Variants in MGAT4C observed in about 807,000 individuals in gnomAD.
MGAT4C encodes the protein alpha-1,3-mannosyl-glycoprotein 4-beta-N-acetylglucosaminyltransferase C.
In MGAT4C, 19 loss-of-function variants were observed where a neutral mutation model predicts 40.1. The ratio of observed to expected loss-of-function variants is 0.47; its 90% confidence interval spans 0.33 to 0.70. The LOEUF (loss-of-function observed/expected upper bound fraction) is 0.70, where lower values mean the gene tolerates loss of function less well. Ranked by LOEUF, MGAT4C falls within the 30% of genes least tolerant of loss-of-function variation. The pLI is 0.02. For missense variants in MGAT4C, 491 were observed against 563.2 expected (o/e 0.87, Z 1.30); for synonymous variants, 181 against 187.1 (o/e 0.97, Z 0.27).
intron 2 of MGAT4C, among the ~76,000 whole-genome samples, chr12:86,460,407 G>A (rs556798345): frequency 6.6e-6 from 1 of 152,172 alleles, no homozygotes; most frequent in East Asian, 1.9e-4. Context: ...ATGAAACCTA[G>A]GAAAATGAAG....
intron 4 of MGAT4C, among the ~76,000 whole-genome samples, chr12:86,295,120 A>G (rs1015860253): frequency 1.3e-5 from 2 of 152,172 alleles, no homozygotes; most frequent in Admixed American, 1.3e-4. Context: ...TTATTATTTT[A>G]TTCAGGCTTT....
intron 2 of MGAT4C, among the ~76,000 whole-genome samples, chr12:86,702,764 T>C (rs1438876187): frequency 6.6e-6 from 1 of 152,200 alleles, no homozygotes; most frequent in Non-Finnish European, 1.5e-5. Flanking sequence ...GAGATTAATG[T>C]TATTTTCATG....
intron 3 of MGAT4C, among the ~76,000 whole-genome samples, chr12:86,378,947 T>A (rs1284328705): frequency 6.6e-6 from 1 of 152,094 alleles, no homozygotes; most frequent in Non-Finnish European, 1.5e-5. Flanking sequence ...TTAGAACCAA[T>A]ATTGGAGCTC....
intron 3 of MGAT4C, among the ~76,000 whole-genome samples, chr12:86,424,392 C>CT (rs974730993): frequency 1.3e-5 from 2 of 152,200 alleles, no homozygotes; most frequent in Admixed American, 6.5e-5. Context: ...ATTCAGTGTT[C>CT]TTTTTTTAGC....
Position 85,967,003 on chromosome 12 carries a change from AC to A in MGAT4C, c.*12285del, listed in dbSNP as rs1366318862. On this transcript the variant is annotated 3_prime_UTR_variant, in exon 5 of 5. Coordinates refer to ENST00000611864, the MANE Select transcript of MGAT4C (RefSeq NM_001351288.2). ...TGGCACAGGTATACATATGTAACAA[AC>A]CTGCAAGTTGTGCACATGTACCCTA... 1 of 152,122 alleles carries A rather than the reference AC, an allele frequency of 6.6e-6. No homozygotes were observed. The highest frequency in any genetic ancestry group is 2.4e-5 in the African/African-American group (1 of 41,406). 9.4% of individuals were successfully genotyped at this position (152,122 alleles called of 1,614,324 possible).
intron 2 of MGAT4C, among the ~76,000 whole-genome samples, chr12:86,605,878 G>C (rs1962025167): frequency 6.6e-6 from 1 of 152,100 alleles, no homozygotes; most frequent in South Asian, 2.1e-4. Context: ...ATAGGTAACT[G>C]TATTAGTCAG....
chr12:86,767,098 T>C (rs1297680921), intron 1 of MGAT4C, among the ~76,000 whole-genome samples: 1 of 151,626 alleles, frequency 6.6e-6, no homozygotes. Flanking sequence ...TTTGAAAAGA[T>C]CAACAAAATT....
intron 2 of MGAT4C, among the ~76,000 whole-genome samples, chr12:86,562,472 C>A (rs1959914894): frequency 6.6e-6 from 1 of 152,038 alleles, no homozygotes; most frequent in African/African-American, 2.4e-5. Context: ...CCTCCTCACT[C>A]CTAGTAGTGG....
At chr12:86,155,001 G>GT (rs1231885035) in intron 1 of MGAT4C, among the ~76,000 whole-genome samples, 1 of 152,172 alleles carries the variant, frequency 6.6e-6, no homozygotes, top group African/African-American at 2.4e-5. Flanking sequence ...ATGATAGAGA[G>GT]TAATGAGAGA....
chr12:86,631,736 C>T (rs1466580282), intron 2 of MGAT4C, among the ~76,000 whole-genome samples: 1 of 152,000 alleles, frequency 6.6e-6, no homozygotes, highest in Non-Finnish European at 1.5e-5. Flanking sequence ...CTTCCTTACA[C>T]CTTATACAAA....
intron 2 of MGAT4C, among the ~76,000 whole-genome samples, chr12:86,516,088 T>C (rs1028842513): frequency 3.9e-5 from 6 of 152,014 alleles, no homozygotes; most frequent in Non-Finnish European, 7.4e-5. Context: ...CATTTTTTTT[T>C]CCCAGAAACT....
chr12:86,223,541 C>T (rs1950960749), intron 1 of MGAT4C, among the ~76,000 whole-genome samples: 2 of 152,178 alleles, frequency 1.3e-5, no homozygotes, highest in African/African-American at 4.8e-5. Flanking sequence ...GCCTTACCCT[C>T]CCTAGAGGCA....
At chr12:86,635,669 G>T (rs1281173140) in intron 2 of MGAT4C, among the ~76,000 whole-genome samples, 1 of 151,626 alleles carries the variant, frequency 6.6e-6, no homozygotes, top group Admixed American at 6.6e-5. Context: ...GTGTGTGTGT[G>T]TGTGTGTGTG....
At chr12:86,095,003 A>G (rs1873636791) in intron 1 of MGAT4C, among the ~76,000 whole-genome samples, 2 of 152,116 alleles carry the variant, frequency 1.3e-5, no homozygotes, top group Admixed American at 6.6e-5. Flanking sequence ...TGTTCCCAAT[A>G]TCCATTCTCC....
At chr12:86,019,052 G>A (rs1329744351) in intron 2 of MGAT4C, among the ~76,000 whole-genome samples, 2 of 151,912 alleles carry the variant, frequency 1.3e-5, no homozygotes, top group African/African-American at 4.8e-5. Flanking sequence ...GCTGAAAAAG[G>A]GCCTGGTTAG....
At chr12:86,741,669 C>A (rs1035353126) in intron 1 of MGAT4C, among the ~76,000 whole-genome samples, 2 of 151,222 alleles carry the variant, frequency 1.3e-5, no homozygotes, top group African/African-American at 2.4e-5. Context: ...ATAGAAAGCA[C>A]CCCCAAAGAT....
chr12:86,482,026 C>A lies in MGAT4C; in HGVS notation c.-228-46761G>T, dbSNP rs561896155. On this transcript the variant is annotated intron_variant, in intron 2 of 7. Transcript: ENST00000548651. ...TAGTGACAATTTCTAGGTTGTAAAA[C>A]AGTCCTCTTTTTTCTTATTTGTATT... Among the ~76,000 whole-genome samples the A allele has an allele frequency of 3.3e-3, 492 of 149,726 alleles. 2 individuals are homozygous for A. The highest frequency in any genetic ancestry group is 0.012 in the African/African-American group (475 of 40,892).
At chr12:86,157,852 G>T (rs1159679484) in intron 1 of MGAT4C, among the ~76,000 whole-genome samples, 5 of 152,032 alleles carry the variant, frequency 3.3e-5, no homozygotes, top group East Asian at 1.9e-4. Context: ...TTCCCATCAG[G>T]CTCCTCCTCC....
At chr12:86,296,643 C>A (rs1404787684) in intron 4 of MGAT4C, among the ~76,000 whole-genome samples, 1 of 152,192 alleles carries the variant, frequency 6.6e-6, no homozygotes, top group African/African-American at 2.4e-5. Flanking sequence ...GCCGCTGGCC[C>A]GGGTGCTAAG....
Sources: allele counts gnomAD v4.1 joint callset (sites outside exome capture counted in the v4.1 genomes callset), GRCh38; gene constraint gnomAD v4.1.1; transcripts MANE v1.5; gene names NCBI Gene and HGNC (gene_info 2026-07-23, HGNC 2026-07-21).